Variants in MARCHF1 observed in about 807,000 individuals in gnomAD.
MARCHF1 encodes E3 ubiquitin-protein ligase MARCHF1.
In MARCHF1, 40 loss-of-function variants were observed where a neutral mutation model predicts 54.2. That is an observed-to-expected ratio of 0.74 (90% confidence interval 0.57 to 0.96). The LOEUF is 0.96. MARCHF1 is among the 40% of genes least tolerant of loss of function. The pLI is 0.00. For synonymous variants in MARCHF1, 236 were observed against 236.3 expected, an observed-to-expected ratio of 1.00 and a Z score of 0.01; for missense variants, 586 against 656.5, an observed-to-expected ratio of 0.89 and a Z score of 1.17.
chr4:163,562,177 A>G (rs1234727889), intron 8 of MARCHF1, among the ~76,000 whole-genome samples: 1 of 152,106 alleles, frequency 6.6e-6, no homozygotes, highest in East Asian at 1.9e-4. Flanking sequence ...CATGCTTGTA[A>G]TCCCAGCTAC....
chr4:164,226,064 A>G (rs1391201419), intron 1 of MARCHF1, among the ~76,000 whole-genome samples: 2 of 152,014 alleles, frequency 1.3e-5, no homozygotes, highest in African/African-American at 2.4e-5. Flanking sequence ...ACCATTTATG[A>G]TCTTCCATTT....
chr4:164,092,866 A>G (rs1321661458), intron 2 of MARCHF1, among the ~76,000 whole-genome samples: 1 of 152,162 alleles, frequency 6.6e-6, no homozygotes, highest in Non-Finnish European at 1.5e-5. Flanking sequence ...TGTCTAGAAC[A>G]CAGGGGATTT....
rs1239652125 is a variant in MARCHF1 at position 163,528,936 on chromosome 4, T to C, written c.1450A>G (p.Arg484Gly). The stretch of plus-strand genomic sequence containing the variant: ...ATCACACGGTTGTAGGCCTTCAGCC[T>C]GCGCCACAACTGAACATAGACTTTA... ...QCKVYVQLWRRLKAYNRVIFV... is the reference protein window; with the variant it reads ...QCKVYVQLWRGLKAYNRVIFV... Residue 484 changes from arginine (R) to glycine (G), a missense_variant, in exon 10 of 10, where the codon AGG becomes GGG. Coordinates refer to ENST00000514618, the MANE Select transcript of MARCHF1 (RefSeq NM_001394959.1). The C allele has an allele frequency of 1.2e-6, 2 of 1,613,344 alleles. No homozygotes were observed. Among genetic ancestry groups the C allele is most frequent in the Admixed American group, 3.3e-5 (2 of 59,864 alleles).
At chr4:163,541,123 T>C in intron 9 of MARCHF1, among the ~76,000 whole-genome samples, 1 of 152,220 alleles carries the variant, frequency 6.6e-6, no homozygotes, top group East Asian at 1.9e-4. Context: ...TTTTGGGTTG[T>C]TCTCATCTGC....
chr4:164,187,090 C>A lies in MARCHF1; in HGVS notation c.-322-75428G>T, dbSNP rs545960116. Among the ~76,000 whole-genome samples the A allele has an allele frequency of 4.6e-5, 7 of 151,506 alleles. No individual in the cohort carries two copies. The East Asian group carries it at 1.4e-3, about 29-fold the overall frequency. On this transcript the variant is annotated intron_variant, in intron 1 of 9. Coordinates refer to ENST00000514618, the MANE Select transcript of MARCHF1 (RefSeq NM_001394959.1). Reference sequence around the variant, plus strand: ...TCTTGCTCAACCCTCAACATCTGCACACCTTTTATGGGCACCGGGTGCACT... The same window carrying A: ...TCTTGCTCAACCCTCAACATCTGCAAACCTTTTATGGGCACCGGGTGCACT...
chr4:163,828,321 T>TTTTCATAACTATTTTTCAACTA (rs1157213024), intron 4 of MARCHF1, among the ~76,000 whole-genome samples: 1 of 152,158 alleles, frequency 6.6e-6, no homozygotes, highest in Non-Finnish European at 1.5e-5. Context: ...TTTCAACTGA[T>TTTTCATAACTATTTTTCAACTA]TTTCATAACT....
intron 1 of MARCHF1, among the ~76,000 whole-genome samples, chr4:164,182,425 CAG>C (rs1384360325): frequency 1.3e-5 from 2 of 151,934 alleles, no homozygotes; most frequent in Admixed American, 6.6e-5. Context: ...ATATAGGTAT[CAG>C]AGAAAACAAG....
At position 164,127,905 on chromosome 4, in the gene MARCHF1, C is replaced by T. The variant is rs72985849; in HGVS notation, c.-322-16243G>A. Among the ~76,000 whole-genome samples the T allele has an allele frequency of 6.3e-3, 956 of 151,916 alleles. 14 individuals are homozygous for T. Among genetic ancestry groups the T allele is most frequent in the African/African-American group, 0.022 (923 of 41,440 alleles). On this transcript the variant is annotated intron_variant, in intron 1 of 9. Transcript: ENST00000514618. The stretch of plus-strand genomic sequence containing the variant: ...ACAATGGAGAATTAGTGAGCACCTC[C>T]TGAAAAAGAAAAAAAAATGAAGGGG...
chr4:164,334,438 G>A (rs2110816958), intron 1 of MARCHF1, among the ~76,000 whole-genome samples: 1 of 151,866 alleles, frequency 6.6e-6, no homozygotes, highest in Non-Finnish European at 1.5e-5. Flanking sequence ...CTCTATAAAT[G>A]GAACCAAAAA....
chr4:163,535,719 T>C (rs991137253), intron 9 of MARCHF1, among the ~76,000 whole-genome samples: 1 of 151,532 alleles, frequency 6.6e-6, no homozygotes, highest in African/African-American at 2.4e-5. Flanking sequence ...TTATTCTCTA[T>C]GCAGAGAGTC....
At chr4:163,974,042 A>T (rs1752601435) in intron 3 of MARCHF1, among the ~76,000 whole-genome samples, 1 of 152,208 alleles carries the variant, frequency 6.6e-6, no homozygotes, top group South Asian at 2.1e-4. Flanking sequence ...TGTTGGAGAA[A>T]GCACCACACT....
chr4:163,961,947 GCT>G (rs1752353304), intron 3 of MARCHF1, among the ~76,000 whole-genome samples: 1 of 151,762 alleles, frequency 6.6e-6, no homozygotes, highest in South Asian at 2.1e-4. Context: ...ACTGGATATG[GCT>G]CAGTTTTCTG....
chr4:164,240,456 C>T (rs1732707466), intron 1 of MARCHF1, among the ~76,000 whole-genome samples: 1 of 152,138 alleles, frequency 6.6e-6, no homozygotes, highest in East Asian at 1.9e-4. Context: ...TTTATGTCTG[C>T]ATCATTGGAC....
chr4:163,729,300 T>A (rs72683487), intron 4 of MARCHF1, among the ~76,000 whole-genome samples: 2 of 152,252 alleles, frequency 1.3e-5, no homozygotes, highest in Non-Finnish European at 2.9e-5. Flanking sequence ...CCTCATGAAA[T>A]GAGTTAGGAA....
chr4:164,266,779 A>C (rs1307601120), intron 1 of MARCHF1, among the ~76,000 whole-genome samples: 1 of 151,964 alleles, frequency 6.6e-6, no homozygotes, highest in Non-Finnish European at 1.5e-5. Context: ...GACCTTATAC[A>C]TTTGTGCTTT....
chr4:163,745,115 C>CTT (rs537922396), intron 4 of MARCHF1, among the ~76,000 whole-genome samples: 1 of 139,390 alleles, frequency 7.2e-6, no homozygotes, highest in Non-Finnish European at 1.6e-5. Flanking sequence ...TTCTTTCTTT[C>CTT]TTTTTTTTTT....
intron 4 of MARCHF1, among the ~76,000 whole-genome samples, chr4:163,817,342 TACATATAC>T (rs1475728787): frequency 1.3e-5 from 2 of 151,954 alleles, no homozygotes; most frequent in East Asian, 1.9e-4. Flanking sequence ...CATATATATG[TACATATAC>T]ACATATACAT....
chr4:164,109,669 G>T (rs916032658), intron 2 of MARCHF1, among the ~76,000 whole-genome samples: 1 of 151,290 alleles, frequency 6.6e-6, no homozygotes. Context: ...CAAGAAGCGC[G>T]TGACCAAAGC....
At chr4:164,174,647 T>C (rs1372640715) in intron 1 of MARCHF1, among the ~76,000 whole-genome samples, 3 of 152,174 alleles carry the variant, frequency 2.0e-5, no homozygotes, top group Non-Finnish European at 4.4e-5. Flanking sequence ...ATTAAGCTTA[T>C]AGGGATTCAT....
Sources: gnomAD v4.1 joint callset for allele counts (sites outside exome capture counted in the v4.1 genomes callset) on GRCh38, gnomAD v4.1.1 for gene constraint, MANE v1.5 for transcripts, NCBI Gene and HGNC (gene_info 2026-07-23, HGNC 2026-07-21) for gene names.